Variants in SAGE1 observed in about 807,000 individuals in gnomAD.
SAGE1 encodes cancer/testis antigen 14.
In SAGE1, 55 loss-of-function variants were observed where a neutral mutation model predicts 55.4. That is an observed-to-expected ratio of 0.99 (90% CI 0.80 to 1.24). The LOEUF (loss-of-function observed/expected upper bound fraction) is 1.24. Among genes scored for constraint, SAGE1 ranks in the 50% most tolerant of loss-of-function variants. SAGE1 has a pLI of 0.00. For missense variants in SAGE1, 710 were observed against 704.4 expected (o/e 1.01, Z -0.09); for synonymous variants, 240 against 244.3 (o/e 0.98, Z 0.17).
At chrX:135,910,631 A>G (rs782496430) in intron 16 of SAGE1, 76 bp downstream of exon 16, 3 of 962,377 alleles carry the variant, frequency 3.1e-6, no homozygotes, top group Admixed American at 4.6e-5. Context: ...GTAGAAGGTA[A>G]TTTTGTTGTA....
At chrX:135,902,324 A>G (rs2088693001) in intron 3 of SAGE1, among the ~76,000 whole-genome samples, 1 of 111,998 alleles carries the variant, frequency 8.9e-6, no homozygotes, top group Non-Finnish European at 1.9e-5. Context: ...ATCCAGACTC[A>G]AATACGACTA....
At position 135,906,165 on chromosome X, in the gene SAGE1, G is replaced by C; in HGVS notation, c.595+1G>C. 8.3e-7 allele frequency: 1 copy of C among 1,201,041 alleles called. No homozygotes were observed. The highest frequency in any genetic ancestry group is 1.1e-6 in the Non-Finnish European group (1 of 889,954). ...CCAGCCATGAGTGCCAGAGATCTCT[G>C]TATGTCCACTTATAAATTGTGCTGT... On this transcript the variant is annotated splice_donor_variant, in intron 6 of 19. Transcript: ENST00000370709. LOFTEE classifies it high-confidence loss of function.
rs5975631 is a variant in SAGE1 at position 135,910,395 on chromosome X, A to C, written c.1865-20A>C. 10 of 1,208,437 alleles carry C rather than the reference A, an allele frequency of 8.3e-6. No homozygotes were observed. The East Asian group carries it at 2.1e-4, about 25-fold the overall frequency. On this transcript the variant is annotated intron_variant, in intron 15 of 19. Coordinates refer to ENST00000370709, the MANE Select transcript of SAGE1 (RefSeq NM_001381902.1). Reference sequence around the variant, plus strand: ...ACATAATGCACTTACCTCACGCCCAACCTCTTCTTTTGTTTCCAGATGCTG... The same window carrying C: ...ACATAATGCACTTACCTCACGCCCACCCTCTTCTTTTGTTTCCAGATGCTG...
At chrX:135,907,257 T>C in intron 8 of SAGE1, 56 bp from the exon 9 acceptor site, 4 of 1,159,431 alleles carry the variant, frequency 3.4e-6, no homozygotes, top group Non-Finnish European at 4.7e-6. Context: ...GGGGTATACC[T>C]GTGGGGCTGA....
Position 135,910,472 on chromosome X carries a change from C to T in SAGE1, c.1922C>T (p.Pro641Leu). The T allele has an allele frequency of 8.3e-7, 1 of 1,209,366 alleles. No homozygotes were observed. The highest frequency in any genetic ancestry group is 1.1e-6 in the Non-Finnish European group (1 of 893,430). The change falls in exon 16 of 20, where the codon CCT becomes CTT. Residue 641 changes from proline to leucine, a missense_variant. Physicochemically the swap from Pro to Leu is moderately conservative, Grantham distance 98 (BLOSUM62 -3). Coordinates refer to ENST00000370709, the MANE Select transcript of SAGE1 (RefSeq NM_001381902.1). The part of the protein sequence containing the change: ...EEKINNSQPA[P>L]GNILSTAPPW... The stretch of plus-strand genomic sequence containing the variant: ...AAGATAAATAACAGCCAACCAGCAC[C>T]TGGTAACATCTTGTCAACTGCTCCT...
intron 1 of SAGE1, among the ~76,000 whole-genome samples, 96 bp downstream of exon 1, chrX:135,893,877 CT>C (rs2088540938): frequency 9.0e-6 from 1 of 111,585 alleles, no homozygotes; most frequent in Non-Finnish European, 1.9e-5. Flanking sequence ...AGTAGTGTTC[CT>C]CCGTTATTTT....
intron 2 of SAGE1, 101 bp from the exon 3 acceptor site, chrX:135,901,458 C>T: frequency 1.2e-6 from 1 of 837,256 alleles, no homozygotes; most frequent in Non-Finnish European, 1.7e-6. Flanking sequence ...CTAAAACTTA[C>T]ATTAATGATA....
rs782532764 is a variant in SAGE1 at position 135,907,727 on chromosome X, G to T, written c.1045G>T (p.Glu349Ter). The change falls in exon 10 of 20, where the codon GAA (glutamate) becomes TAA (stop). Residue 349 changes from glutamate (E) to a stop codon, truncating the protein, a stop_gained. Transcript: ENST00000370709. LOFTEE classifies it high-confidence loss of function. The part of the protein sequence containing the change: ...QYATITHNVC[E>*]ERVVNNQPLP... ...TGCTACCATCACTCACAATGTCTGT[G>T]AAGAGAGAGTGGTAAATAACCAACC... The T allele has an allele frequency of 8.3e-7, 1 of 1,208,309 alleles. No homozygotes were observed. Among genetic ancestry groups the T allele is most frequent in the East Asian group, 3.0e-5 (1 of 33,751 alleles).
chrX:135,896,169 G>C, intron 1 of SAGE1, 74 bp from the exon 2 acceptor site: 1 of 725,189 alleles, frequency 1.4e-6, no homozygotes, highest in Middle Eastern at 4.5e-4. Flanking sequence ...GCCAATTTAT[G>C]TGCCAGTTAC....
chrX:135,911,487 T>C, intron 17 of SAGE1, 92 bp from the exon 18 acceptor site: 1 of 881,050 alleles, frequency 1.1e-6, no homozygotes, highest in Non-Finnish European at 1.6e-6. Context: ...CTTCATGAGA[T>C]AACTCCCTAG....
In SAGE1 at chrX:135,911,273, C is replaced by T. The variant is rs1340490230; in HGVS notation, c.2087C>T (p.Pro696Leu). Residue 696 changes from proline (P) to leucine (L), a missense_variant, in exon 17 of 20, where the codon CCA (proline) becomes CTA (leucine). Pro to Leu is a moderately conservative substitution (Grantham distance 98). Transcript: ENST00000370709. ...QAPDNSLSTV[P>L]PGCINLSGAG... is the part of the protein sequence containing the mutation. ...CCTGATAACTCCTTGTCAACGGTTC[C>T]ACCTGGTTGTATTAATCTGTCAGGA... is the stretch of plus-strand genomic sequence containing the variant. 4 of 1,207,709 alleles carry T rather than the reference C, an allele frequency of 3.3e-6. No individual in the cohort carries two copies. The highest frequency in any genetic ancestry group is 2.2e-5 in the Admixed American group (1 of 45,677).
intron 2 of SAGE1, among the ~76,000 whole-genome samples, chrX:135,900,032 T>G (rs1556595571): frequency 9.0e-6 from 1 of 111,097 alleles, no homozygotes; most frequent in South Asian, 3.8e-4. Flanking sequence ...AATACTATGT[T>G]GAATAGGCGA....
At chrX:135,908,025 G>T in intron 10 of SAGE1, 64 bp from the exon 11 acceptor site, 1 of 1,140,857 alleles carries the variant, frequency 8.8e-7, no homozygotes, top group Non-Finnish European at 1.2e-6. Flanking sequence ...ATCAGAGGGG[G>T]TATTCCTGTG....
Position 135,908,710 on chromosome X carries a change from T to C in SAGE1, c.1441+93T>C. 8 of 1,046,450 alleles carry C rather than the reference T, an allele frequency of 7.6e-6. No homozygotes were observed. The South Asian group carries it at 1.8e-4, about 23-fold the overall frequency. The allele number at this position is 1,046,450 out of a possible 1,213,427, so 86.2% of individuals were successfully genotyped here. ...AGAAGGTTGTTTTGTGAATTATCTT[T>C]CCTGGCCTCAATTTGAGGGGCCTCA... On this transcript the variant is annotated intron_variant, in intron 12 of 19. Transcript: ENST00000370709.
At chrX:135,907,481 C>T in intron 9 of SAGE1, 28 bp downstream of exon 9, 1 of 1,170,364 alleles carries the variant, frequency 8.5e-7, no homozygotes, top group Non-Finnish European at 1.2e-6. Context: ...TTGTAGTGTC[C>T]TAGTTGGTTT....
Position 135,911,489 on chromosome X carries a change from AC to A in SAGE1, c.2147-89del, listed in dbSNP as rs2088897478. 75 of 874,326 alleles carry A rather than the reference AC, an allele frequency of 8.6e-5. 1 individual carries two copies. The South Asian group carries it at 1.7e-3, about 20-fold the overall frequency. The allele number at this position is 874,326 out of a possible 1,213,427, so 72.1% of individuals were successfully genotyped here. ...GTGTATCCTCTTGCTTCATGAGATA[AC>A]TCCCTAGAAACTGGGCATCGGAGGG... On this transcript the variant is annotated intron_variant, in intron 17 of 19. Transcript: ENST00000370709.
intron 3 of SAGE1, among the ~76,000 whole-genome samples, chrX:135,902,716 A>G (rs1215034473): frequency 2.7e-5 from 3 of 111,914 alleles, no homozygotes; most frequent in African/African-American, 9.8e-5. Context: ...GTTCTAGTCA[A>G]AATACTTAAA....
At chrX:135,909,905 C>T in intron 14 of SAGE1, 125 bp from the exon 15 acceptor site, 2 of 973,681 alleles carry the variant, frequency 2.1e-6, no homozygotes, top group Non-Finnish European at 2.8e-6. Context: ...TCTCAGATCG[C>T]CATCTGGCAT....
intron 2 of SAGE1, among the ~76,000 whole-genome samples, 188 bp downstream of exon 2, chrX:135,896,517 G>T (rs1603122293): frequency 9.7e-6 from 1 of 102,939 alleles, no homozygotes; most frequent in African/African-American, 3.4e-5. Flanking sequence ...GTTGTACTAG[G>T]AACTGATTTA....
Sources: allele counts gnomAD v4.1 joint callset (sites outside exome capture counted in the v4.1 genomes callset), GRCh38; gene constraint gnomAD v4.1.1; transcripts MANE v1.5; gene names NCBI Gene and HGNC (gene_info 2026-07-23, HGNC 2026-07-21).